Variants in TRAPPC9 observed in about 807,000 individuals in gnomAD.
The protein encoded by TRAPPC9 is trafficking protein particle complex subunit 9, also known as IKK2 binding protein.
TRAPPC9 carries 83 observed loss-of-function variants against 124.0 expected under a neutral mutation model. The observed-to-expected ratio is 0.67, with a 90% CI of 0.56 to 0.80. TRAPPC9 has a LOEUF of 0.80. Among genes scored for constraint, TRAPPC9 ranks in the 30% least tolerant of loss-of-function variants. TRAPPC9 has a pLI of 0.00. For missense variants in TRAPPC9, 1,302 were observed against 1,508.3 expected, an observed-to-expected ratio of 0.86 and a Z score of 2.27; for synonymous variants, 638 against 617.5, an observed-to-expected ratio of 1.03 and a Z score of -0.49.
intron 18 of TRAPPC9, among the ~76,000 whole-genome samples, chr8:140,023,167 A>G (rs928241458): frequency 5.3e-5 from 8 of 152,286 alleles, no homozygotes; most frequent in African/African-American, 1.7e-4. Context: ...GGAGGTGAAG[A>G]GCACCTGCTT....
chr8:139,850,058 G>C (rs532701040), intron 21 of TRAPPC9, among the ~76,000 whole-genome samples: 2 of 152,262 alleles, frequency 1.3e-5, no homozygotes, highest in Admixed American at 1.3e-4. Flanking sequence ...GCCCAACCCT[G>C]CATCTCTGTC....
At chr8:140,054,097 C>T (rs1427885362) in intron 17 of TRAPPC9, among the ~76,000 whole-genome samples, 2 of 152,196 alleles carry the variant, frequency 1.3e-5, no homozygotes, top group Non-Finnish European at 2.9e-5. Flanking sequence ...TCTATGTTTT[C>T]ACTTAAAAGT....
chr8:139,844,740 T>G (rs571185242), intron 21 of TRAPPC9, among the ~76,000 whole-genome samples: 1 of 152,260 alleles, frequency 6.6e-6, no homozygotes, highest in South Asian at 2.1e-4. Context: ...AATAGAATTG[T>G]TTTTCATTTT....
intron 11 of TRAPPC9, among the ~76,000 whole-genome samples, chr8:140,294,940 G>A (rs1347819345): frequency 2.0e-5 from 3 of 152,162 alleles, no homozygotes; most frequent in Non-Finnish European, 4.4e-5. Flanking sequence ...GAAAGAAGGA[G>A]ATAACCCCTT....
intron 15 of TRAPPC9, among the ~76,000 whole-genome samples, chr8:140,254,294 G>A (rs542870027): frequency 6.6e-6 from 1 of 152,340 alleles, no homozygotes; most frequent in African/African-American, 2.4e-5. Flanking sequence ...CTGCCAGCCT[G>A]GAAGGGACTG....
Position 139,948,012 on chromosome 8 carries a change from G to A in TRAPPC9, c.2811-37712C>T, listed in dbSNP as rs200662946. On this transcript the variant is annotated intron_variant, in intron 19 of 22. Coordinates refer to ENST00000438773, the MANE Select transcript of TRAPPC9 (RefSeq NM_001160372.4). ...CCAACAGACCTGGATTCTTGTCCACGTTCTGTCCACTGGCACTTGCATGGC... is the reference window on the plus strand; with the variant it reads ...CCAACAGACCTGGATTCTTGTCCACATTCTGTCCACTGGCACTTGCATGGC... 4.0e-5 allele frequency among the ~76,000 whole-genome samples: 6 copies of A among 149,088 alleles called. No individual in the cohort carries two copies. In the East Asian group the frequency reaches 8.0e-4, roughly 20 times the overall value.
At chr8:140,294,823 C>G (rs1440334657) in intron 11 of TRAPPC9, among the ~76,000 whole-genome samples, 1 of 152,056 alleles carries the variant, frequency 6.6e-6, no homozygotes, top group Non-Finnish European at 1.5e-5. Flanking sequence ...GTTGGCCAGG[C>G]TAGTCTCGAA....
chr8:140,144,464 TTTCATTCATTCATTCATTCATTCA>T (rs67174670), intron 17 of TRAPPC9, among the ~76,000 whole-genome samples: 8 of 150,392 alleles, frequency 5.3e-5, no homozygotes, highest in African/African-American at 1.7e-4. Context: ...CTATTTTTCT[TTTCATTCATTCATTCATTCATTCA>T]TTCATTCATT....
At chr8:140,196,781 A>G (rs1421263755) in intron 17 of TRAPPC9, among the ~76,000 whole-genome samples, 1 of 151,852 alleles carries the variant, frequency 6.6e-6, no homozygotes, top group Non-Finnish European at 1.5e-5. Context: ...TATACAGCTC[A>G]CACCTGTGAC....
intron 17 of TRAPPC9, among the ~76,000 whole-genome samples, chr8:140,062,439 T>G (rs28568840): frequency 0.35 from 53,583 of 151,950 alleles, 9,620 homozygotes; most frequent in Non-Finnish European, 0.39. Flanking sequence ...CCATTCCTTA[T>G]GTCCTGGCTG....
At chr8:140,203,932 G>A (rs2062855695) in intron 17 of TRAPPC9, among the ~76,000 whole-genome samples, 1 of 152,198 alleles carries the variant, frequency 6.6e-6, no homozygotes, top group African/African-American at 2.4e-5. Flanking sequence ...ACTGCAGGAG[G>A]ACAAGGTACA....
intron 21 of TRAPPC9, among the ~76,000 whole-genome samples, chr8:139,870,797 T>C (rs1828853837): frequency 6.6e-6 from 1 of 152,216 alleles, no homozygotes; most frequent in African/African-American, 2.4e-5. Flanking sequence ...GTACATCCTT[T>C]CTTACCTCCT....
chr8:140,449,886 C>G (rs2071395043), intron 2 of TRAPPC9, among the ~76,000 whole-genome samples: 1 of 152,200 alleles, frequency 6.6e-6, no homozygotes, highest in South Asian at 2.1e-4. Context: ...AAACTGTGCT[C>G]TAGCACAGTG....
intron 19 of TRAPPC9, among the ~76,000 whole-genome samples, chr8:139,935,038 C>T (rs1425314764): frequency 6.6e-6 from 1 of 152,148 alleles, no homozygotes; most frequent in Non-Finnish European, 1.5e-5. Context: ...ACAGGTATTC[C>T]CTAGGAGACC....
At chr8:140,044,986 A>T (rs1214941104) in intron 17 of TRAPPC9, among the ~76,000 whole-genome samples, 1 of 152,264 alleles carries the variant, frequency 6.6e-6, no homozygotes, top group African/African-American at 2.4e-5. Flanking sequence ...AGTTATTACA[A>T]GGAATCGCCA....
chr8:140,004,388 AC>A (rs1838612872), intron 18 of TRAPPC9, among the ~76,000 whole-genome samples: 1 of 152,238 alleles, frequency 6.6e-6, no homozygotes, highest in South Asian at 2.1e-4. Flanking sequence ...AATTAAAAAA[AC>A]AAACATCACG....
chr8:140,006,809 T>C (rs1838788787), intron 18 of TRAPPC9, among the ~76,000 whole-genome samples: 1 of 152,264 alleles, frequency 6.6e-6, no homozygotes, highest in Admixed American at 6.5e-5. Flanking sequence ...AGATTAGTGG[T>C]TGCCTAGGGT....
intron 20 of TRAPPC9, among the ~76,000 whole-genome samples, chr8:139,896,366 G>A (rs1212275829): frequency 6.6e-6 from 1 of 152,186 alleles, no homozygotes; most frequent in Non-Finnish European, 1.5e-5. Flanking sequence ...TGCCACTATA[G>A]AGAACATTTC....
rs759330508 is a variant in TRAPPC9, at chr8:139,988,741, G to T, written c.2795C>A (p.Ala932Asp). 1.5e-5 allele frequency: 23 copies of T among 1,550,108 alleles called. No homozygotes were observed. In the South Asian group the frequency reaches 2.7e-4, roughly 18 times the overall value. Residue 932 changes from alanine (A) to aspartate (D), a missense_variant, in exon 19 of 23, where the codon GCC (alanine) becomes GAC (aspartate). Around this residue, in one of 3 missense-constraint regions of TRAPPC9, gnomAD observed 640 missense variants for 679.3 expected, o/e 0.94. Transcript: ENST00000438773. ...GGACACTTACCGCTGGCACTCACCG[G>T]CGTGCAGGATGAGTGCCTCGCTGCT... ...TRSSEALILH[A>D]GECQRMAIQV...
Sources: gnomAD v4.1 joint callset for allele counts (sites outside exome capture counted in the v4.1 genomes callset) on GRCh38, gnomAD v4.1.1 for gene constraint, gnomAD v4.1.1 regional missense constraint, MANE v1.5 for transcripts, NCBI Gene and HGNC (gene_info 2026-07-23, HGNC 2026-07-21) for gene names.